Variants in GATAD2B observed in about 807,000 individuals in gnomAD.
GATAD2B encodes the protein GATA zinc finger domain containing 2B, also known as transcriptional repressor p66-beta.
In GATAD2B, 8 loss-of-function variants were observed where a neutral mutation model predicts 64.3. The observed-to-expected ratio is 0.12, with a 90% confidence interval of 0.07 to 0.22. The LOEUF is 0.22. GATAD2B is among the 10% of genes least tolerant of loss of function. The pLI is 1.00. For missense variants in GATAD2B, 453 were observed against 752.0 expected (o/e 0.60, Z 4.65); for synonymous variants, 281 against 271.3 (o/e 1.04, Z -0.35).
At chr1:153,823,722 TTTTGTTTTTTTG>T (rs1288548737) in intron 2 of GATAD2B, among the ~76,000 whole-genome samples, 1 of 151,774 alleles carries the variant, frequency 6.6e-6, no homozygotes, top group Non-Finnish European at 1.5e-5. Flanking sequence ...TGCTTTTTTT[TTTTGTTTTTTTG>T]TTTGTTTTTT....
At chr1:153,847,247 C>G (rs988641680) in intron 1 of GATAD2B, among the ~76,000 whole-genome samples, 6 of 152,116 alleles carry the variant, frequency 3.9e-5, no homozygotes, top group Non-Finnish European at 5.9e-5. Flanking sequence ...GATTACAGGT[C>G]TGACCTACTG....
Position 153,809,636 on chromosome 1 carries a change from T to C in GATAD2B, c.*541A>G, listed in dbSNP as rs1277972109. ...CTTCTGCCCCTAACACTCCTAGTCATGTCCTACTTGGCAGCTGGGACCCCT... is the reference window on the plus strand; with the variant it reads ...CTTCTGCCCCTAACACTCCTAGTCACGTCCTACTTGGCAGCTGGGACCCCT... On this transcript the variant is annotated 3_prime_UTR_variant, in exon 11 of 11. Coordinates refer to ENST00000368655, the MANE Select transcript of GATAD2B (RefSeq NM_020699.4). 1 of 151,252 alleles carries C rather than the reference T, an allele frequency of 6.6e-6. No individual in the cohort carries two copies. The allele number at this position is 151,252 out of a possible 1,614,324, so 9.4% of individuals were successfully genotyped here. A position where few individuals can be genotyped will look rare whatever the true frequency, so the allele number is the denominator to read the frequency against.
At chr1:153,859,840 T>A (rs1570966647) in intron 1 of GATAD2B, among the ~76,000 whole-genome samples, 1 of 151,502 alleles carries the variant, frequency 6.6e-6, no homozygotes, top group East Asian at 1.9e-4. Context: ...TATATGGTCA[T>A]CCCTATCTCC....
intron 2 of GATAD2B, among the ~76,000 whole-genome samples, chr1:153,822,155 T>C (rs905304239): frequency 2.6e-5 from 4 of 152,146 alleles, no homozygotes; most frequent in Admixed American, 2.0e-4. Flanking sequence ...CACTCCAGCC[T>C]GGGTGACAGA....
rs954348785 is a variant in GATAD2B, at chr1:153,900,415, C to CA, written c.-2+22317dup. Among the ~76,000 whole-genome samples, 434 of 146,062 alleles carry CA rather than the reference C, an allele frequency of 3.0e-3. 4 individuals carry two copies. The highest frequency in any genetic ancestry group is 8.3e-3 in the African/African-American group (332 of 39,808). ...AGCCTGGGCAATAGAGACTCCGTCT[C>CA]AAAAAAAAAAGAAAAGAAAAGAATA... On this transcript the variant is annotated intron_variant, in intron 1 of 10. Transcript: ENST00000368655.
chr1:153,847,246 T>C (rs1308918044), intron 1 of GATAD2B, among the ~76,000 whole-genome samples: 3 of 152,148 alleles, frequency 2.0e-5, no homozygotes, highest in Non-Finnish European at 4.4e-5. Context: ...GGATTACAGG[T>C]CTGACCTACT....
At chr1:153,825,043 G>A (rs1674822441) in intron 2 of GATAD2B, among the ~76,000 whole-genome samples, 1 of 152,182 alleles carries the variant, frequency 6.6e-6, no homozygotes, top group South Asian at 2.1e-4. Context: ...CGGACATCAT[G>A]CCACACTGCA....
chr1:153,919,585 A>G (rs985131304), intron 1 of GATAD2B, among the ~76,000 whole-genome samples: 2 of 152,224 alleles, frequency 1.3e-5, no homozygotes, highest in African/African-American at 4.8e-5. Flanking sequence ...ACTACTGAGG[A>G]TAAACCAAAT....
intron 1 of GATAD2B, among the ~76,000 whole-genome samples, chr1:153,908,325 C>T (rs1031640324): frequency 1.3e-5 from 2 of 151,952 alleles, no homozygotes; most frequent in Non-Finnish European, 2.9e-5. Context: ...AAGACCCCAT[C>T]GCTATAAAAT....
rs6700115 is a variant in GATAD2B, at chr1:153,809,412, G to A, written c.*765C>T. 64,761 of 151,912 alleles carry A rather than the reference G, an allele frequency of 0.43. 14,701 individuals are homozygous for A. The highest frequency in any genetic ancestry group is 0.52 in the Non-Finnish European group (35,162 of 67,854). 9.4% of individuals were successfully genotyped at this position (151,912 alleles called of 1,614,324 possible). ...CCCATCTTCATACCTCTTTCTTCCC[G>A]TCTTCTATGGGTAAATTCCAGAGTG... On this transcript the variant is annotated 3_prime_UTR_variant, in exon 11 of 11. Transcript: ENST00000368655.
At chr1:153,878,788 T>TC in intron 1 of GATAD2B, among the ~76,000 whole-genome samples, 1 of 149,104 alleles carries the variant, frequency 6.7e-6, no homozygotes, top group South Asian at 2.2e-4. Flanking sequence ...TTTTTTTTTT[T>TC]TTTTTTTGAG....
Position 153,828,161 on chromosome 1 carries a change from A to G in GATAD2B, c.187T>C (p.Leu63=), listed in dbSNP as rs1674948285. Residue 63 remains leucine, a synonymous_variant, in exon 2 of 11, where the codon TTA becomes CTA. Coordinates refer to ENST00000368655, the MANE Select transcript of GATAD2B (RefSeq NM_020699.4). ...CCACTGCCATCCTGTTTGGTGGGTAACTCATGTGGCACCTCAAGATTTGCC... is the reference window on the plus strand; with the variant it reads ...CCACTGCCATCCTGTTTGGTGGGTAGCTCATGTGGCACCTCAAGATTTGCC... ...DLANLEVPHE[L]PTKQDGSGVK... 4 of 1,614,138 alleles carry G rather than the reference A, an allele frequency of 2.5e-6. No individual in the cohort carries two copies.
intron 1 of GATAD2B, among the ~76,000 whole-genome samples, chr1:153,840,265 C>A (rs895739701): frequency 4.6e-5 from 7 of 151,656 alleles, no homozygotes; most frequent in Admixed American, 1.3e-4. Context: ...GAACTCCTGA[C>A]CTCAGGTGAT....
At chr1:153,832,658 T>G (rs975783540) in intron 1 of GATAD2B, among the ~76,000 whole-genome samples, 9 of 152,224 alleles carry the variant, frequency 5.9e-5, no homozygotes, top group African/African-American at 2.2e-4. Flanking sequence ...ATTTTCTAAT[T>G]TTTATTTTAG....
At chr1:153,825,973 C>A (rs762020729) in intron 2 of GATAD2B, among the ~76,000 whole-genome samples, 6 of 151,564 alleles carry the variant, frequency 4.0e-5, no homozygotes, top group Non-Finnish European at 5.9e-5. Context: ...ATTCTCACAG[C>A]TATCAGCTGT....
At position 153,891,671 on chromosome 1, in the gene GATAD2B, G is replaced by A. The variant is rs1195747159; in HGVS notation, c.-2+31062C>T. On this transcript the variant is annotated intron_variant, in intron 1 of 10. Transcript: ENST00000368655. ...TAAGAGGAGGTAAGTATGGGGGGGGGGGAGGGGAGGGAAAAGAAGTAGATT... is the reference window on the plus strand; with the variant it reads ...TAAGAGGAGGTAAGTATGGGGGGGGAGGAGGGGAGGGAAAAGAAGTAGATT... Among the ~76,000 whole-genome samples, 265 of 117,430 alleles carry A rather than the reference G, an allele frequency of 2.3e-3. 2 individuals carry two copies. Among genetic ancestry groups the A allele is most frequent in the African/African-American group, 7.6e-3 (241 of 31,828 alleles). 77.0% of individuals were successfully genotyped at this position (117,430 alleles called of 152,430 possible). A position where few individuals can be genotyped will look rare whatever the true frequency, so the allele number is the denominator to read the frequency against.
chr1:153,917,579 G>A (rs1370617939), intron 1 of GATAD2B, among the ~76,000 whole-genome samples: 1 of 151,284 alleles, frequency 6.6e-6, no homozygotes, highest in Non-Finnish European at 1.5e-5. Flanking sequence ...ATTTTTAGTA[G>A]ACACGGGGTT....
chr1:153,811,978 A>C (rs540386939), intron 9 of GATAD2B, 44 bp downstream of exon 9: 1 of 1,360,038 alleles, frequency 7.4e-7, no homozygotes, highest in East Asian at 2.3e-5. Flanking sequence ...TAAATGGCTG[A>C]TAAATCTTCT....
At chr1:153,902,673 C>A (rs2101961597) in intron 1 of GATAD2B, among the ~76,000 whole-genome samples, 1 of 152,166 alleles carries the variant, frequency 6.6e-6, no homozygotes, top group South Asian at 2.1e-4. Context: ...CCACTCTGGT[C>A]TCGAACTCCT....
Sources: allele counts gnomAD v4.1 joint callset (sites outside exome capture counted in the v4.1 genomes callset), GRCh38; gene constraint gnomAD v4.1.1; transcripts MANE v1.5; gene names NCBI Gene and HGNC (gene_info 2026-07-23, HGNC 2026-07-21).